PEX5L: variants seen among roughly 807,000 people sequenced by gnomAD.
The protein encoded by PEX5L is peroxisomal biogenesis factor 5 like, also known as PEX5-related protein.
Under a neutral mutation model 84.0 loss-of-function variants are expected in PEX5L, and 30 were observed. The observed-to-expected ratio is 0.36, with a 90% CI of 0.27 to 0.48. The LOEUF (loss-of-function observed/expected upper bound fraction) is 0.48, where lower values mean the gene tolerates loss of function less well. PEX5L is among the 20% of genes least tolerant of loss of function. The pLI is 0.99. For missense variants in PEX5L, 533 were observed against 754.6 expected (o/e 0.71, Z 3.44); for synonymous variants, 270 against 283.1 (o/e 0.95, Z 0.46).
At chr3:180,035,218 T>C (rs1055151295) in intron 1 of PEX5L, among the ~76,000 whole-genome samples, 3 of 152,302 alleles carry the variant, frequency 2.0e-5, no homozygotes, top group African/African-American at 7.2e-5. Context: ...TGGGTGAAGA[T>C]GAAGCATAAA....
intron 10 of PEX5L, among the ~76,000 whole-genome samples, chr3:179,815,224 A>G (rs986249994): frequency 3.9e-5 from 6 of 152,236 alleles, no homozygotes; most frequent in Non-Finnish European, 5.9e-5. Context: ...AGGGTGATGT[A>G]CAGTGTGACA....
intron 2 of PEX5L, among the ~76,000 whole-genome samples, chr3:179,956,053 G>A (rs181465447): frequency 6.6e-6 from 1 of 152,246 alleles, no homozygotes; most frequent in Non-Finnish European, 1.5e-5. Flanking sequence ...ATCCTCTCGA[G>A]TGGCTCAAAT....
At chr3:179,917,281 C>A (rs1444189314) in intron 2 of PEX5L, among the ~76,000 whole-genome samples, 1 of 151,924 alleles carries the variant, frequency 6.6e-6, no homozygotes, top group Non-Finnish European at 1.5e-5. Flanking sequence ...ATAAAAATGT[C>A]TTCTTCGGGA....
chr3:179,974,859 G>C (rs960672474), intron 1 of PEX5L, among the ~76,000 whole-genome samples: 3 of 152,090 alleles, frequency 2.0e-5, no homozygotes, highest in Non-Finnish European at 4.4e-5. Context: ...AGAAAGGTGA[G>C]TTTATTTTAA....
chr3:179,821,735 A>T (rs1003002774), intron 8 of PEX5L, among the ~76,000 whole-genome samples: 1 of 152,226 alleles, frequency 6.6e-6, no homozygotes, highest in South Asian at 2.1e-4. Context: ...AAAAATCAAA[A>T]TTTATTTTTA....
At chr3:179,860,124 T>A (rs564927284) in intron 7 of PEX5L, among the ~76,000 whole-genome samples, 1 of 124,458 alleles carries the variant, frequency 8.0e-6, no homozygotes, top group South Asian at 2.5e-4. Context: ...ATTTTTGTTT[T>A]TTGTTTTTTT....
chr3:179,973,552 T>A (rs1015264252), intron 1 of PEX5L: 1 of 968,456 alleles, frequency 1.0e-6, no homozygotes, highest in Non-Finnish European at 1.2e-6. Flanking sequence ...TGTATTTACT[T>A]CTCTGCATAT....
intron 1 of PEX5L, among the ~76,000 whole-genome samples, chr3:180,034,234 T>C (rs1430314444): frequency 6.6e-6 from 1 of 152,218 alleles, no homozygotes; most frequent in Non-Finnish European, 1.5e-5. Flanking sequence ...ATTGCAAACA[T>C]TTCTGTTTCA....
intron 2 of PEX5L, among the ~76,000 whole-genome samples, chr3:179,944,981 T>C (rs888421865): frequency 2.6e-5 from 4 of 152,236 alleles, no homozygotes; most frequent in Non-Finnish European, 5.9e-5. Context: ...TATTTCTTGA[T>C]AGCAGGTTGT....
chr3:180,010,020 T>G (rs1195808857), intron 1 of PEX5L, among the ~76,000 whole-genome samples: 4 of 151,986 alleles, frequency 2.6e-5, no homozygotes, highest in African/African-American at 9.7e-5. Context: ...CTCGACACAC[T>G]GCAAGCTCCG....
intron 1 of PEX5L, among the ~76,000 whole-genome samples, chr3:180,010,246 C>CTTTTTTTTTTGTTT (rs1789319587): frequency 9.5e-6 from 1 of 105,180 alleles, no homozygotes; most frequent in African/African-American, 4.3e-5. Context: ...CACCCGGCCT[C>CTTTTTTTTTTGTTT]TTTTTTTTTT....
chr3:179,869,424 T>C (rs565243666), intron 7 of PEX5L, among the ~76,000 whole-genome samples: 18 of 152,346 alleles, frequency 1.2e-4, no homozygotes, highest in African/African-American at 4.3e-4. Flanking sequence ...GTTACACAGT[T>C]TGGGTAAGTG....
chr3:180,021,752 G>A (rs899550591), intron 1 of PEX5L, among the ~76,000 whole-genome samples: 1 of 152,190 alleles, frequency 6.6e-6, no homozygotes, highest in African/African-American at 2.4e-5. Flanking sequence ...ACAGGTACAG[G>A]TAGTCAGTTA....
intron 1 of PEX5L, among the ~76,000 whole-genome samples, chr3:180,026,581 T>C (rs866891061): frequency 6.6e-6 from 1 of 152,106 alleles, no homozygotes; most frequent in Non-Finnish European, 1.5e-5. Context: ...CAAAAAGGAG[T>C]GAGCAGTAGA....
chr3:179,795,604 T>C lies in PEX5L; in HGVS notation c.*6224A>G, dbSNP rs1716619501. The C allele has an allele frequency of 6.6e-6, 1 of 152,158 alleles. No individual in the cohort carries two copies. The highest frequency in any genetic ancestry group is 1.5e-5 in the Non-Finnish European group (1 of 68,016). The allele number at this position is 152,158 out of a possible 1,614,324, so 9.4% of individuals were successfully genotyped here. On this transcript the variant is annotated 3_prime_UTR_variant, in exon 15 of 15. Coordinates refer to ENST00000467460, the MANE Select transcript of PEX5L (RefSeq NM_016559.3). ...TTGCCATTAATTTACTATAGGTCAC[T>C]TAATTTGAATTGGTATTAATTTAGT...
intron 1 of PEX5L, among the ~76,000 whole-genome samples, chr3:179,980,557 T>C (rs1436559570): frequency 6.6e-6 from 1 of 152,188 alleles, no homozygotes; most frequent in East Asian, 1.9e-4. Context: ...ATATTCACTA[T>C]AACAACATTA....
At chr3:179,886,018 C>T (rs999521564) in intron 4 of PEX5L, among the ~76,000 whole-genome samples, 2 of 152,148 alleles carry the variant, frequency 1.3e-5, no homozygotes, top group Non-Finnish European at 2.9e-5. Context: ...TACAGTATTT[C>T]ACAGGTCTCT....
intron 14 of PEX5L, among the ~76,000 whole-genome samples, chr3:179,805,326 G>T (rs999794481): frequency 6.6e-6 from 1 of 151,966 alleles, no homozygotes; most frequent in African/African-American, 2.4e-5. Flanking sequence ...AGTTAAATGT[G>T]AACTTCAGAT....
intron 9 of PEX5L, among the ~76,000 whole-genome samples, chr3:179,819,416 T>C (rs1727584638): frequency 6.6e-6 from 1 of 152,184 alleles, no homozygotes; most frequent in Non-Finnish European, 1.5e-5. Flanking sequence ...GCTGGCTATA[T>C]AATGACCACC....
Sources: gnomAD v4.1 joint callset for allele counts (sites outside exome capture counted in the v4.1 genomes callset) on GRCh38, gnomAD v4.1.1 for gene constraint, MANE v1.5 for transcripts, NCBI Gene and HGNC (gene_info 2026-07-23, HGNC 2026-07-21) for gene names.